ADCY2: variants seen among roughly 807,000 people sequenced by gnomAD.
The protein encoded by ADCY2 is adenylate cyclase 2.
A neutral mutation model predicts 125.2 loss-of-function variants in ADCY2; 31 were observed. That is an observed-to-expected ratio of 0.25 (90% CI 0.19 to 0.33). The LOEUF is 0.33. Ranked by LOEUF, ADCY2 falls within the 10% of genes least tolerant of loss-of-function variation. The probability of loss-of-function intolerance (pLI) is 1.00; values close to 1 mark genes in which losing one functional copy is unlikely to be tolerated. For synonymous variants in ADCY2, 512 were observed against 548.4 expected, an observed-to-expected ratio of 0.93 and a Z score of 0.93; for missense variants, 904 against 1,418.2, an observed-to-expected ratio of 0.64 and a Z score of 5.82.
intron 4 of ADCY2, 66 bp downstream of exon 4, chr5:7,626,382 A>C: frequency 6.5e-7 from 1 of 1,544,682 alleles, no homozygotes; most frequent in East Asian, 2.3e-5. Flanking sequence ...TGTTACTATT[A>C]ATGTTGAGTG....
intron 15 of ADCY2, among the ~76,000 whole-genome samples, chr5:7,756,853 G>A (rs1743008249): frequency 6.6e-6 from 1 of 152,162 alleles, no homozygotes; most frequent in South Asian, 2.1e-4. Context: ...GTTAAAAATT[G>A]TTTGGAGGGA....
intron 1 of ADCY2, among the ~76,000 whole-genome samples, chr5:7,406,732 G>GT (rs1739502489): frequency 6.6e-6 from 1 of 152,168 alleles, no homozygotes; most frequent in South Asian, 2.1e-4. Flanking sequence ...AGAAGGCACA[G>GT]TTTCTCTTAA....
At chr5:7,754,416 A>T (rs1447989144) in intron 15 of ADCY2, among the ~76,000 whole-genome samples, 1 of 152,166 alleles carries the variant, frequency 6.6e-6, no homozygotes, top group African/African-American at 2.4e-5. Context: ...AAACTTTTTA[A>T]ATGTTCTACT....
intron 22 of ADCY2, among the ~76,000 whole-genome samples, chr5:7,815,666 T>C (rs1745087869): frequency 6.6e-6 from 1 of 152,106 alleles, no homozygotes. Context: ...TAAACAGAAA[T>C]TAATAGGAAA....
At chr5:7,638,851 A>G (rs771694782) in intron 4 of ADCY2, among the ~76,000 whole-genome samples, 22 of 152,188 alleles carry the variant, frequency 1.4e-4, no homozygotes, top group Non-Finnish European at 3.2e-4. Context: ...TGTAGCTCCC[A>G]TAATTCCCAT....
At chr5:7,750,031 GTC>G (rs1436372097) in intron 15 of ADCY2, among the ~76,000 whole-genome samples, 1 of 152,108 alleles carries the variant, frequency 6.6e-6, no homozygotes, top group Non-Finnish European at 1.5e-5. Context: ...TTTTAGGTGT[GTC>G]TCTGGTGAAC....
chr5:7,407,864 G>C (rs890685927), intron 1 of ADCY2, among the ~76,000 whole-genome samples: 5 of 145,450 alleles, frequency 3.4e-5, no homozygotes, highest in African/African-American at 1.3e-4. Context: ...TTTCTCTTCA[G>C]TTCTTTTTTT....
intron 3 of ADCY2, among the ~76,000 whole-genome samples, chr5:7,557,060 G>C (rs1735529766): frequency 6.6e-6 from 1 of 151,300 alleles, no homozygotes; most frequent in Non-Finnish European, 1.5e-5. Context: ...AAACAATCAG[G>C]ACCAGGAGAG....
chr5:7,682,993 C>G (rs1740391278), intron 4 of ADCY2, among the ~76,000 whole-genome samples: 1 of 152,180 alleles, frequency 6.6e-6, no homozygotes, highest in South Asian at 2.1e-4. Context: ...AAAGTTGTCC[C>G]TGTACTCGGT....
intron 2 of ADCY2, among the ~76,000 whole-genome samples, chr5:7,453,694 T>C (rs1352646233): frequency 2.0e-5 from 3 of 152,114 alleles, no homozygotes; most frequent in Admixed American, 6.5e-5. Flanking sequence ...CTTGGGGAAG[T>C]ATACGTTGGC....
intron 1 of ADCY2, among the ~76,000 whole-genome samples, chr5:7,401,933 A>C (rs1739277819): frequency 6.6e-6 from 1 of 152,204 alleles, no homozygotes; most frequent in South Asian, 2.1e-4. Context: ...CTTGATATTG[A>C]CATCGAGACA....
At chr5:7,755,573 A>G (rs1261176809) in intron 15 of ADCY2, among the ~76,000 whole-genome samples, 1 of 152,172 alleles carries the variant, frequency 6.6e-6, no homozygotes, top group African/African-American at 2.4e-5. Flanking sequence ...TGTTGCACGC[A>G]CCTTCTCTAA....
intron 16 of ADCY2, among the ~76,000 whole-genome samples, chr5:7,762,141 C>G (rs1042904259): frequency 6.6e-6 from 1 of 152,186 alleles, no homozygotes; most frequent in African/African-American, 2.4e-5. Context: ...ATCAGAGCTG[C>G]TCAAGCACTG....
At chr5:7,637,652 A>C (rs1738557979) in intron 4 of ADCY2, among the ~76,000 whole-genome samples, 1 of 152,308 alleles carries the variant, frequency 6.6e-6, no homozygotes, top group East Asian at 1.9e-4. Context: ...TAAAATGTCA[A>C]CAAGATTTTA....
At chr5:7,405,644 T>C (rs1739456174) in intron 1 of ADCY2, among the ~76,000 whole-genome samples, 1 of 152,210 alleles carries the variant, frequency 6.6e-6, no homozygotes, top group Non-Finnish European at 1.5e-5. Context: ...GCTTGTGCCA[T>C]GCACCTGCCA....
chr5:7,497,880 TAAG>T (rs1469196504), intron 2 of ADCY2, among the ~76,000 whole-genome samples: 1 of 152,060 alleles, frequency 6.6e-6, no homozygotes, highest in Non-Finnish European at 1.5e-5. Flanking sequence ...CAGAATTATC[TAAG>T]AAGAAATGAC....
At chr5:7,491,820 G>A (rs964789836) in intron 2 of ADCY2, among the ~76,000 whole-genome samples, 2 of 152,136 alleles carry the variant, frequency 1.3e-5, no homozygotes, top group Non-Finnish European at 2.9e-5. Context: ...TTTAGAATGT[G>A]TTTTTTATAA....
At chr5:7,481,227 A>T (rs1414305533) in intron 2 of ADCY2, among the ~76,000 whole-genome samples, 1 of 152,126 alleles carries the variant, frequency 6.6e-6, no homozygotes, top group African/African-American at 2.4e-5. Flanking sequence ...CATTTCTCCG[A>T]TAATGAATGA....
intron 2 of ADCY2, among the ~76,000 whole-genome samples, chr5:7,494,623 G>A (rs556323630): frequency 2.6e-5 from 4 of 152,212 alleles, no homozygotes; most frequent in Admixed American, 2.0e-4. Context: ...GATGGTGGGG[G>A]CTCAAGGCTA....
Sources: allele counts gnomAD v4.1 joint callset (sites outside exome capture counted in the v4.1 genomes callset), GRCh38; gene constraint gnomAD v4.1.1; transcripts MANE v1.5; gene names NCBI Gene and HGNC (gene_info 2026-07-23, HGNC 2026-07-21).